ZC3H12B: variants seen among roughly 807,000 people sequenced by gnomAD.
ZC3H12B encodes the protein zinc finger CCCH-type containing 12B, also known as probable ribonuclease ZC3H12B.
ZC3H12B carries 7 observed loss-of-function variants against 43.9 expected under a neutral mutation model. The ratio of observed to expected loss-of-function variants is 0.16; its 90% confidence interval spans 0.09 to 0.30. The LOEUF (loss-of-function observed/expected upper bound fraction) is 0.30. ZC3H12B is among the 10% of genes least tolerant of loss of function. The pLI, the probability that ZC3H12B is intolerant of heterozygous loss-of-function variation, is 1.00. For synonymous variants in ZC3H12B, 222 were observed against 241.7 expected, an observed-to-expected ratio of 0.92 and a Z score of 0.76; for missense variants, 475 against 670.2, an observed-to-expected ratio of 0.71 and a Z score of 3.22.
the ZC3H12B span, among the ~76,000 whole-genome samples, chrX:65,214,654 G>A: frequency 1.8e-5 from 2 of 111,090 alleles, no homozygotes; most frequent in African/African-American, 6.5e-5. Context: ...ACACCTCAAA[G>A]TCATCCATAA....
chrX:65,492,215 T>C (rs1033731060), intron 1 of ZC3H12B, among the ~76,000 whole-genome samples: 38 of 111,954 alleles, frequency 3.4e-4, no homozygotes, highest in Non-Finnish European at 3.2e-4. Flanking sequence ...AAGGCATTAT[T>C]GGGGACTTTG....
chrX:65,055,525 A>G, the ZC3H12B span, among the ~76,000 whole-genome samples: 1 of 111,906 alleles, frequency 8.9e-6, no homozygotes, highest in African/African-American at 3.3e-5. Flanking sequence ...GATGTTCATC[A>G]AGAATATTGG....
intron 3 of ZC3H12B, among the ~76,000 whole-genome samples, chrX:65,434,467 G>A (rs1391570535): frequency 8.9e-6 from 1 of 111,849 alleles, no homozygotes; most frequent in Non-Finnish European, 1.9e-5. Flanking sequence ...TAAACAAATT[G>A]TTAGAGCCCT....
chrX:65,115,663 A>T, the ZC3H12B span, among the ~76,000 whole-genome samples: 1 of 111,712 alleles, frequency 9.0e-6, no homozygotes, highest in African/African-American at 3.3e-5. Context: ...ACCAGTTTAC[A>T]TTCCCACCTA....
chrX:65,212,185 A>ATTAG, the ZC3H12B span, among the ~76,000 whole-genome samples: 3 of 50,051 alleles, frequency 6.0e-5, no homozygotes, highest in African/African-American at 2.5e-4. Context: ...TATATATTAT[A>ATTAG]TATTATATAA....
the ZC3H12B span, among the ~76,000 whole-genome samples, chrX:65,041,562 G>A: frequency 1.8e-5 from 2 of 112,176 alleles, no homozygotes; most frequent in Admixed American, 9.4e-5. Flanking sequence ...AATTGAGGTA[G>A]GTTATGGTAA....
chrX:65,413,706 A>G lies in ZC3H12B; in HGVS notation n.407+15002A>G, dbSNP rs2066929687. On this transcript the variant is annotated intron_variant and non_coding_transcript_variant, in intron 3 of 5. Transcript: ENST00000617377. The stretch of plus-strand genomic sequence containing the variant: ...GCTTTATAGTAAAGTTTGAAATCAG[A>G]AAGTGTGAGTCCTCCAACTTTTTTC... 2.7e-5 allele frequency among the ~76,000 whole-genome samples: 3 copies of G among 111,988 alleles called. 1 individual carries two copies. Among genetic ancestry groups the G allele is most frequent in the Admixed American group, 9.5e-5 (1 of 10,539 alleles).
At chrX:65,059,557 C>T in the ZC3H12B span, among the ~76,000 whole-genome samples, 1 of 110,865 alleles carries the variant, frequency 9.0e-6, no homozygotes, top group Non-Finnish European at 1.9e-5. Context: ...TCTGGGTTCT[C>T]TATTCTGTTC....
chrX:65,215,146 G>A, the ZC3H12B span, among the ~76,000 whole-genome samples: 1 of 111,842 alleles, frequency 8.9e-6, no homozygotes, highest in Non-Finnish European at 1.9e-5. Flanking sequence ...GAGTAAATTT[G>A]GCATAATTCT....
At position 65,414,284 on chromosome X, in the gene ZC3H12B, G is replaced by A. The variant is rs185297756; in HGVS notation, n.407+15580G>A. Among the ~76,000 whole-genome samples, 92 of 110,355 alleles carry A rather than the reference G, an allele frequency of 8.3e-4. No homozygotes were observed. The Middle Eastern group carries it at 0.023, about 28-fold the overall frequency. ...CTATTTTTTTTTTGAGGGGGGGAAG[G>A]GTTTGAGAAGTATTGATATTAATTC... On this transcript the variant is annotated intron_variant and non_coding_transcript_variant, in intron 3 of 5. Transcript: ENST00000617377.
At chrX:65,076,762 A>C in the ZC3H12B span, among the ~76,000 whole-genome samples, 1 of 110,892 alleles carries the variant, frequency 9.0e-6, no homozygotes, top group Admixed American at 9.6e-5. Context: ...TTTTTTAAAA[A>C]TAAATAATTC....
chrX:65,152,234 C>A, the ZC3H12B span, among the ~76,000 whole-genome samples: 4 of 111,249 alleles, frequency 3.6e-5, no homozygotes, highest in South Asian at 3.8e-4. Flanking sequence ...CTGGCCAGGG[C>A]AATTAGGCAG....
chrX:65,379,057 G>T (rs2066394426), intron 2 of ZC3H12B, among the ~76,000 whole-genome samples: 1 of 112,213 alleles, frequency 8.9e-6, no homozygotes. Context: ...GCCCAGGCTT[G>T]CTTAGGTAAA....
the ZC3H12B span, among the ~76,000 whole-genome samples, chrX:65,081,662 T>G: frequency 9.0e-6 from 1 of 111,632 alleles, no homozygotes; most frequent in African/African-American, 3.2e-5. Context: ...ATGAGAGAGA[T>G]AGACCTCAAT....
At chrX:65,077,055 A>G in the ZC3H12B span, among the ~76,000 whole-genome samples, 1 of 111,886 alleles carries the variant, frequency 8.9e-6, no homozygotes, top group East Asian at 2.8e-4. Context: ...TTAGCAAGTA[A>G]TGATCCTGTT....
chrX:65,377,852 A>G (rs1353364262), intron 2 of ZC3H12B, among the ~76,000 whole-genome samples: 1 of 111,333 alleles, frequency 9.0e-6, no homozygotes, highest in Non-Finnish European at 1.9e-5. Flanking sequence ...TAATCCCAGC[A>G]CTTTGGGAGG....
At chrX:65,157,160 T>C in the ZC3H12B span, among the ~76,000 whole-genome samples, 3 of 110,724 alleles carry the variant, frequency 2.7e-5, no homozygotes, top group African/African-American at 9.9e-5. Context: ...TTTGTATTTT[T>C]TGTAGAGACA....
rs1442997755 is a variant in ZC3H12B, at chrX:65,375,075, C to G, written n.295+6077C>G. On this transcript the variant is annotated intron_variant and non_coding_transcript_variant, in intron 2 of 5. Coordinates refer to the ZC3H12B transcript ENST00000617377. The stretch of plus-strand genomic sequence containing the variant: ...AATATCACTCCTTCTCCACTATCCT[C>G]TAGCAGTAGATGTGTGGTGTGAGAA... Among the ~76,000 whole-genome samples, 20 of 111,861 alleles carry G rather than the reference C, an allele frequency of 1.8e-4. No individual in the cohort carries two copies. In the Admixed American group the frequency reaches 1.9e-3, roughly 11 times the overall value.
intron 3 of ZC3H12B, among the ~76,000 whole-genome samples, chrX:65,480,899 T>C (rs747029447): frequency 1.8e-5 from 2 of 110,144 alleles, no homozygotes; most frequent in South Asian, 3.8e-4. Flanking sequence ...AAAATATTCA[T>C]TGAAAACGTA....
Sources: allele counts gnomAD v4.1 joint callset (sites outside exome capture counted in the v4.1 genomes callset), GRCh38; gene constraint gnomAD v4.1.1; transcripts MANE v1.5; gene names NCBI Gene and HGNC (gene_info 2026-07-23, HGNC 2026-07-21).